Variants in ATP6V1H observed in about 807,000 individuals in gnomAD.
The protein encoded by ATP6V1H is ATPase H+ transporting V1 subunit H.
ATP6V1H carries 39 observed loss-of-function variants against 71.7 expected under a neutral mutation model. The ratio of observed to expected loss-of-function variants is 0.54; its 90% CI spans 0.42 to 0.71. The LOEUF (loss-of-function observed/expected upper bound fraction) is 0.71, where lower values mean the gene tolerates loss of function less well. Ranked by LOEUF, ATP6V1H falls within the 30% of genes least tolerant of loss-of-function variation. The pLI is 0.00. For missense variants in ATP6V1H, 509 were observed against 594.9 expected (o/e 0.86, Z 1.50); for synonymous variants, 192 against 199.3 (o/e 0.96, Z 0.31).
intron 13 of ATP6V1H, among the ~76,000 whole-genome samples, chr8:53,733,751 C>A (rs1807106982): frequency 6.6e-6 from 1 of 152,156 alleles, no homozygotes; most frequent in Non-Finnish European, 1.5e-5. Flanking sequence ...TGTACCAAGT[C>A]ACAAAGGGAG....
intron 4 of ATP6V1H, among the ~76,000 whole-genome samples, chr8:53,818,521 T>G (rs1281382628): frequency 6.6e-6 from 1 of 152,176 alleles, no homozygotes; most frequent in African/African-American, 2.4e-5. Context: ...CATTATTGTT[T>G]AGAATAACAA....
rs912279078 is a variant in ATP6V1H at position 53,762,700 on chromosome 8, C to CA, written c.1176-6045dup. ...AGAGGTTCTAACCAGGGCAACTGGG[C>CA]AAAAAAAAAGAAATAAAAGGCACTC... is the stretch of plus-strand genomic sequence containing the variant. On this transcript the variant is annotated intron_variant, in intron 11 of 13. Coordinates refer to ENST00000359530, the MANE Select transcript of ATP6V1H (RefSeq NM_015941.4). Among the ~76,000 whole-genome samples, 76 of 149,094 alleles carry CA rather than the reference C, an allele frequency of 5.1e-4. No individual in the cohort carries two copies. In the East Asian group the frequency reaches 6.9e-3, roughly 13 times the overall value.
intron 11 of ATP6V1H, among the ~76,000 whole-genome samples, chr8:53,767,040 G>A (rs142570495): frequency 4.6e-5 from 7 of 152,166 alleles, no homozygotes; most frequent in African/African-American, 1.7e-4. Context: ...GGCTTGTGGG[G>A]CATCACGGAT....
At chr8:53,744,985 G>C (rs1187898432) in intron 12 of ATP6V1H, among the ~76,000 whole-genome samples, 1 of 152,176 alleles carries the variant, frequency 6.6e-6, no homozygotes, top group Non-Finnish European at 1.5e-5. Flanking sequence ...GTGCAGCGAT[G>C]ATGATACAGG....
chr8:53,769,512 C>T (rs1808581204), intron 11 of ATP6V1H, 106 bp downstream of exon 11: 2 of 1,167,426 alleles, frequency 1.7e-6, no homozygotes, highest in Non-Finnish European at 2.4e-6. Flanking sequence ...CAAGAAAATA[C>T]AAATTAAAAC....
chr8:53,800,368 T>G (rs1024571076), intron 8 of ATP6V1H, among the ~76,000 whole-genome samples: 13 of 152,208 alleles, frequency 8.5e-5, no homozygotes, highest in Non-Finnish European at 1.8e-4. Context: ...AATTCAGAAT[T>G]TTTTATTTTC....
rs368565487 is a variant in ATP6V1H at position 53,841,728 on chromosome 8, T to A, written c.-35-3A>T. 2.5e-5 allele frequency: 40 copies of A among 1,604,860 alleles called. No individual in the cohort carries two copies. Among genetic ancestry groups the A allele is most frequent in the Non-Finnish European group, 2.9e-5 (34 of 1,175,254 alleles). ...ATCTTGAATGTCTTTCAACAAATCT[T>A]CAATTTTGATGCAAGGTAAAAACAG... On this transcript the variant is annotated splice_polypyrimidine_tract_variant and splice_region_variant and intron_variant, in intron 1 of 13. Coordinates refer to ENST00000359530, the MANE Select transcript of ATP6V1H (RefSeq NM_015941.4).
chr8:53,734,354 G>A (rs893137901), intron 13 of ATP6V1H, among the ~76,000 whole-genome samples: 55 of 152,184 alleles, frequency 3.6e-4, no homozygotes, highest in African/African-American at 1.3e-3. Flanking sequence ...GTGGATGGGA[G>A]CAGCTTCATC....
chr8:53,798,677 G>C (rs1809820208), intron 8 of ATP6V1H, among the ~76,000 whole-genome samples: 1 of 150,844 alleles, frequency 6.6e-6, no homozygotes, highest in African/African-American at 2.4e-5. Flanking sequence ...AAAGTAGAAA[G>C]TACATATTTC....
intron 11 of ATP6V1H, among the ~76,000 whole-genome samples, chr8:53,760,906 G>A (rs1167452637): frequency 6.6e-6 from 1 of 152,058 alleles, no homozygotes; most frequent in Non-Finnish European, 1.5e-5. Flanking sequence ...CCAAGATGGT[G>A]GTCACTCATA....
At chr8:53,727,733 CT>C (rs1305629553) in intron 13 of ATP6V1H, among the ~76,000 whole-genome samples, 1 of 152,174 alleles carries the variant, frequency 6.6e-6, no homozygotes, top group East Asian at 1.9e-4. Flanking sequence ...AACTCCAAAC[CT>C]ATATTTCCAG....
chr8:53,757,911 TA>T (rs1808131803), intron 11 of ATP6V1H, among the ~76,000 whole-genome samples: 2 of 152,236 alleles, frequency 1.3e-5, no homozygotes, highest in South Asian at 4.1e-4. Context: ...TTAATACATT[TA>T]GTCTGATAAC....
chr8:53,819,737 T>C (rs1305809872), intron 4 of ATP6V1H, among the ~76,000 whole-genome samples: 2 of 143,080 alleles, frequency 1.4e-5, no homozygotes, highest in Non-Finnish European at 3.0e-5. Context: ...ATATATAGTA[T>C]ATAGTGTGTG....
intron 7 of ATP6V1H, among the ~76,000 whole-genome samples, chr8:53,805,941 A>G (rs1183137931): frequency 6.6e-6 from 1 of 152,200 alleles, no homozygotes; most frequent in African/African-American, 2.4e-5. Context: ...ACACTACTCT[A>G]TGGTAATAGA....
intron 12 of ATP6V1H, among the ~76,000 whole-genome samples, chr8:53,754,803 C>T (rs1807939965): frequency 6.6e-6 from 1 of 152,174 alleles, no homozygotes; most frequent in Non-Finnish European, 1.5e-5. Context: ...GAGTGGCCTC[C>T]TAGCTGGATG....
intron 9 of ATP6V1H, among the ~76,000 whole-genome samples, chr8:53,788,262 G>T (rs569579230): frequency 1.3e-5 from 2 of 152,186 alleles, no homozygotes; most frequent in East Asian, 1.9e-4. Context: ...TCTGCCATTG[G>T]ACTGGGTCTA....
intron 8 of ATP6V1H, among the ~76,000 whole-genome samples, chr8:53,799,226 G>T (rs758564090): frequency 3.3e-5 from 5 of 151,852 alleles, no homozygotes; most frequent in African/African-American, 4.8e-5. Flanking sequence ...TTGAATTTTA[G>T]TTGTCTTATG....
intron 7 of ATP6V1H, among the ~76,000 whole-genome samples, chr8:53,809,513 C>CT (rs1279686058): frequency 6.6e-6 from 1 of 152,192 alleles, no homozygotes; most frequent in Non-Finnish European, 1.5e-5. Context: ...CTCACAATCA[C>CT]TCCTGATGTG....
intron 13 of ATP6V1H, among the ~76,000 whole-genome samples, chr8:53,730,604 G>C (rs1281540743): frequency 6.6e-6 from 1 of 152,130 alleles, no homozygotes; most frequent in Non-Finnish European, 1.5e-5. Context: ...GAGGAGATCT[G>C]TGCCCACGTA....
Sources: allele counts gnomAD v4.1 joint callset (sites outside exome capture counted in the v4.1 genomes callset), GRCh38; gene constraint gnomAD v4.1.1; transcripts MANE v1.5; gene names NCBI Gene and HGNC (gene_info 2026-07-23, HGNC 2026-07-21).